Variants in EPB41L4A observed in about 807,000 individuals in gnomAD.
EPB41L4A encodes erythrocyte membrane protein band 4.1 like 4A.
Under a neutral mutation model 108.6 loss-of-function variants are expected in EPB41L4A, and 100 were observed. That is an observed-to-expected ratio of 0.92 (90% CI 0.78 to 1.09). The LOEUF is 1.09. Ranked by LOEUF, EPB41L4A falls within the 50% of genes least tolerant of loss-of-function variation. The probability of loss-of-function intolerance (pLI) is 0.00; values close to 1 mark genes in which losing one functional copy is unlikely to be tolerated. For synonymous variants in EPB41L4A, 319 were observed against 289.0 expected (o/e 1.10, Z -1.05); for missense variants, 1,030 against 842.7 (o/e 1.22, Z -2.75).
intron 17 of EPB41L4A, among the ~76,000 whole-genome samples, chr5:112,189,544 GAATAA>G (rs1761588287): frequency 6.6e-6 from 1 of 152,120 alleles, no homozygotes; most frequent in South Asian, 2.1e-4. Flanking sequence ...AAACATCCTA[GAATAA>G]AATTAGGGAA....
At chr5:112,244,308 A>C (rs564372811) in intron 9 of EPB41L4A, among the ~76,000 whole-genome samples, 1 of 152,196 alleles carries the variant, frequency 6.6e-6, no homozygotes, top group East Asian at 1.9e-4. Context: ...TGGCACCCCA[A>C]ATCAATTGCA....
chr5:112,205,744 G>A (rs1055702795), intron 13 of EPB41L4A, among the ~76,000 whole-genome samples: 41 of 152,054 alleles, frequency 2.7e-4, no homozygotes, highest in African/African-American at 8.7e-4. Flanking sequence ...GTCAACAGAT[G>A]CCAGGTCCAT....
chr5:112,253,899 C>G (rs897113857), intron 9 of EPB41L4A, among the ~76,000 whole-genome samples: 2 of 151,822 alleles, frequency 1.3e-5, no homozygotes, highest in Non-Finnish European at 2.9e-5. Flanking sequence ...TGAAAGGAAC[C>G]CTTGGCTTAA....
At chr5:112,418,425 G>A (rs997843605) in intron 1 of EPB41L4A, among the ~76,000 whole-genome samples, 17 of 152,246 alleles carry the variant, frequency 1.1e-4, no homozygotes, top group African/African-American at 3.6e-4. Context: ...CTGTAGAAAG[G>A]GAAAATATTT....
intron 9 of EPB41L4A, among the ~76,000 whole-genome samples, chr5:112,248,525 G>A (rs529718617): frequency 1.3e-5 from 2 of 152,248 alleles, no homozygotes; most frequent in Non-Finnish European, 2.9e-5. Context: ...TCAAGATTGA[G>A]TCACTTCTAA....
chr5:112,323,776 C>G (rs1747007348), intron 1 of EPB41L4A, among the ~76,000 whole-genome samples: 1 of 152,094 alleles, frequency 6.6e-6, no homozygotes, highest in African/African-American at 2.4e-5. Flanking sequence ...ATTCTGCAAC[C>G]TTTTTGGGGA....
At chr5:112,364,041 A>AT (rs1429023013) in intron 1 of EPB41L4A, among the ~76,000 whole-genome samples, 2 of 152,144 alleles carry the variant, frequency 1.3e-5, no homozygotes, top group African/African-American at 4.8e-5. Flanking sequence ...TCATTCATTT[A>AT]TTTTTAGACG....
intron 1 of EPB41L4A, among the ~76,000 whole-genome samples, chr5:112,350,006 A>T (rs1347548794): frequency 2.0e-5 from 3 of 152,110 alleles, no homozygotes; most frequent in Non-Finnish European, 4.4e-5. Flanking sequence ...ATGGTGTAGA[A>T]CAGCATTGCC....
intron 1 of EPB41L4A, among the ~76,000 whole-genome samples, chr5:112,402,370 G>T (rs1375794514): frequency 6.6e-6 from 1 of 150,738 alleles, no homozygotes; most frequent in African/African-American, 2.4e-5. Flanking sequence ...AGCAATGCAA[G>T]AACAGACTAA....
At chr5:112,206,720 G>T (rs1762491052) in intron 13 of EPB41L4A, among the ~76,000 whole-genome samples, 1 of 152,160 alleles carries the variant, frequency 6.6e-6, no homozygotes, top group South Asian at 2.1e-4. Context: ...ATAAAATCCT[G>T]GGTGACAAGT....
intron 4 of EPB41L4A, among the ~76,000 whole-genome samples, chr5:112,271,301 C>T (rs1012471094): frequency 6.6e-6 from 1 of 152,164 alleles, no homozygotes; most frequent in Non-Finnish European, 1.5e-5. Flanking sequence ...TGGTCTTTTC[C>T]AAATGTTTTA....
At chr5:112,405,235 G>A (rs1004029723) in intron 1 of EPB41L4A, among the ~76,000 whole-genome samples, 1 of 152,176 alleles carries the variant, frequency 6.6e-6, no homozygotes, top group African/African-American at 2.4e-5. Flanking sequence ...CATGGTGAGG[G>A]CCTATGGTTT....
intron 1 of EPB41L4A, among the ~76,000 whole-genome samples, chr5:112,388,595 C>A (rs1336631560): frequency 2.0e-5 from 3 of 152,156 alleles, no homozygotes; most frequent in African/African-American, 7.2e-5. Flanking sequence ...GGATAGACAG[C>A]CTGTGTATGA....
At chr5:112,357,630 A>C (rs1029298888) in intron 1 of EPB41L4A, among the ~76,000 whole-genome samples, 3 of 152,202 alleles carry the variant, frequency 2.0e-5, no homozygotes, top group Non-Finnish European at 4.4e-5. Flanking sequence ...CAAATGTGAA[A>C]TCATCCCAAC....
At chr5:112,265,424 T>A (rs1000788751) in intron 5 of EPB41L4A, among the ~76,000 whole-genome samples, 2 of 152,154 alleles carry the variant, frequency 1.3e-5, no homozygotes, top group African/African-American at 4.8e-5. Context: ...CAATACACCT[T>A]TGCCTGAAAT....
intron 15 of EPB41L4A, among the ~76,000 whole-genome samples, chr5:112,201,744 A>G (rs1762230868): frequency 6.6e-6 from 1 of 152,158 alleles, no homozygotes; most frequent in South Asian, 2.1e-4. Flanking sequence ...GTATTGTCCA[A>G]ATTGAACCAA....
rs1757607856 is a variant in EPB41L4A at position 112,345,770 on chromosome 5, T to TAC, written c.100-38281_100-38280insGT. On this transcript the variant is annotated intron_variant, in intron 1 of 22. Coordinates refer to ENST00000261486, the MANE Select transcript of EPB41L4A (RefSeq NM_022140.5). ...TACAGGATGCATATATATATATACATATATATATATACACACACACACACA... is the reference window on the plus strand; with the variant it reads ...TACAGGATGCATATATATATATACATACATATATATATACACACACACACACA... Among the ~76,000 whole-genome samples the TAC allele has an allele frequency of 3.7e-5, 4 of 107,278 alleles. No homozygotes were observed. The East Asian group carries it at 1.0e-3, about 28-fold the overall frequency. 70.4% of individuals were successfully genotyped at this position (107,278 alleles called of 152,430 possible). A position where few individuals can be genotyped will look rare whatever the true frequency, so the allele number is the denominator to read the frequency against.
chr5:112,368,917 G>A (rs910578247), intron 1 of EPB41L4A, among the ~76,000 whole-genome samples: 2 of 151,508 alleles, frequency 1.3e-5, no homozygotes, highest in African/African-American at 4.9e-5. Flanking sequence ...TCCAATTCTC[G>A]TCCACTCCCA....
At chr5:112,325,654 A>G (rs1485494765) in intron 1 of EPB41L4A, among the ~76,000 whole-genome samples, 1 of 152,222 alleles carries the variant, frequency 6.6e-6, no homozygotes, top group Non-Finnish European at 1.5e-5. Flanking sequence ...TGAGGAGGTC[A>G]TTTCAAAGCC....
Sources: allele counts gnomAD v4.1 joint callset (sites outside exome capture counted in the v4.1 genomes callset), GRCh38; gene constraint gnomAD v4.1.1; transcripts MANE v1.5; gene names NCBI Gene and HGNC (gene_info 2026-07-23, HGNC 2026-07-21).